SLC5A12: variants seen among roughly 807,000 people sequenced by gnomAD.
The protein encoded by SLC5A12 is solute carrier family 5 member 12.
Under a neutral mutation model 72.7 loss-of-function variants are expected in SLC5A12, and 46 were observed. That is an observed-to-expected ratio of 0.63 (90% CI 0.50 to 0.81). SLC5A12 has a LOEUF of 0.81. Ranked by LOEUF, SLC5A12 falls within the 30% of genes least tolerant of loss-of-function variation. The pLI is 0.00. For synonymous variants in SLC5A12, 275 were observed against 264.4 expected, an observed-to-expected ratio of 1.04 and a Z score of -0.39; for missense variants, 683 against 740.7, an observed-to-expected ratio of 0.92 and a Z score of 0.90.
At chr11:26,676,575 T>G (rs760309499) in intron 13 of SLC5A12, among the ~76,000 whole-genome samples, 10 of 152,160 alleles carry the variant, frequency 6.6e-5, no homozygotes, top group Non-Finnish European at 1.2e-4. Flanking sequence ...TATACTGTCC[T>G]GATAATGGGA....
rs1854036061 is a variant in SLC5A12 at position 26,667,876 on chromosome 11, C to T, written c.*3226G>A. The T allele has an allele frequency of 6.6e-6, 1 of 151,698 alleles. No homozygotes were observed. The highest frequency in any genetic ancestry group is 1.5e-5 in the Non-Finnish European group (1 of 67,886). The allele number at this position is 151,698 out of a possible 1,614,324, so 9.4% of individuals were successfully genotyped here. ...AAAATAGTAACATATATTCTGATCC[C>T]ACATCTTAAAAATCCTGAAGAGAAA... On this transcript the variant is annotated 3_prime_UTR_variant, in exon 15 of 15. Transcript: ENST00000396005.
chr11:26,708,365 C>T (rs1411702634), intron 4 of SLC5A12, among the ~76,000 whole-genome samples: 1 of 151,830 alleles, frequency 6.6e-6, no homozygotes, highest in African/African-American at 2.4e-5. Flanking sequence ...GGAATAGAAT[C>T]ATGGTAATGA....
At chr11:26,717,196 T>G (rs1233689561) in intron 1 of SLC5A12, among the ~76,000 whole-genome samples, 1 of 152,188 alleles carries the variant, frequency 6.6e-6, no homozygotes, top group East Asian at 1.9e-4. Flanking sequence ...GTATGTAATG[T>G]ATAAATGCTC....
intron 1 of SLC5A12, among the ~76,000 whole-genome samples, chr11:26,719,850 G>A (rs1295794952): frequency 6.6e-6 from 1 of 152,150 alleles, no homozygotes; most frequent in African/African-American, 2.4e-5. Context: ...GGACAGGACA[G>A]CATAGTTATT....
chr11:26,711,253 G>A (rs922529869), intron 3 of SLC5A12, 54 bp downstream of exon 3: 5 of 1,396,936 alleles, frequency 3.6e-6, no homozygotes, highest in Middle Eastern at 1.8e-4. Context: ...TCTGCAAGGT[G>A]AGAATTCAGG....
At chr11:26,691,196 A>G (rs549211987) in intron 9 of SLC5A12, among the ~76,000 whole-genome samples, 75 of 152,278 alleles carry the variant, frequency 4.9e-4, no homozygotes, top group African/African-American at 1.7e-3. Flanking sequence ...AATGCTGTAT[A>G]TATCAAAAGA....
chr11:26,703,428 A>ACACG, intron 6 of SLC5A12, 103 bp downstream of exon 6: 1 of 1,206,766 alleles, frequency 8.3e-7, no homozygotes, highest in Non-Finnish European at 1.2e-6. Context: ...ACATACATAC[A>ACACG]CACACACACA....
At chr11:26,685,087 T>C (rs1195913622) in intron 10 of SLC5A12, among the ~76,000 whole-genome samples, 3 of 152,194 alleles carry the variant, frequency 2.0e-5, no homozygotes, top group Non-Finnish European at 4.4e-5. Flanking sequence ...AGTTCTTTTA[T>C]GTAGACAGGT....
intron 1 of SLC5A12, among the ~76,000 whole-genome samples, chr11:26,715,153 A>C (rs1855320821): frequency 6.6e-6 from 1 of 152,136 alleles, no homozygotes; most frequent in Admixed American, 6.6e-5. Flanking sequence ...GGTGGGAAGT[A>C]TGATAATGCC....
At chr11:26,704,238 T>C (rs1244383604) in intron 4 of SLC5A12, among the ~76,000 whole-genome samples, 2 of 152,064 alleles carry the variant, frequency 1.3e-5, no homozygotes, top group Non-Finnish European at 2.9e-5. Flanking sequence ...GAAAGACAGG[T>C]TACTATAGGA....
Position 26,667,843 on chromosome 11 carries a change from T to G in SLC5A12, c.*3259A>C, listed in dbSNP as rs898011144. The G allele has an allele frequency of 1.3e-5, 2 of 151,956 alleles. No individual in the cohort carries two copies. Among genetic ancestry groups the G allele is most frequent in the Non-Finnish European group, 2.9e-5 (2 of 67,926 alleles). The allele number at this position is 151,956 out of a possible 1,614,324, so 9.4% of individuals were successfully genotyped here. Reference sequence around the variant, plus strand: ...TACATTCTGTTTTTCTTATTATTTCTAATTCTCAAAATAGTAACATATATT... The same window carrying G: ...TACATTCTGTTTTTCTTATTATTTCGAATTCTCAAAATAGTAACATATATT... On this transcript the variant is annotated 3_prime_UTR_variant, in exon 15 of 15. Transcript: ENST00000396005.
Position 26,686,609 on chromosome 11 carries a change from A to G in SLC5A12, c.1154-65T>C. On this transcript the variant is annotated intron_variant, in intron 9 of 14. Transcript: ENST00000396005. Reference sequence around the variant, plus strand: ...ATTCCTGACTTCAAGGGATGCCTTGAGCCCCCACTCAGAACTGTCTCTGAT... The same window carrying G: ...ATTCCTGACTTCAAGGGATGCCTTGGGCCCCCACTCAGAACTGTCTCTGAT... The G allele has an allele frequency of 7.0e-6, 10 of 1,427,162 alleles. No individual in the cohort carries two copies. The South Asian group carries it at 1.2e-4, about 17-fold the overall frequency. 88.4% of individuals were successfully genotyped at this position (1,427,162 alleles called of 1,614,324 possible). A position where few individuals can be genotyped will look rare whatever the true frequency, so the allele number is the denominator to read the frequency against.
chr11:26,681,241 G>T lies in SLC5A12; in HGVS notation c.1309-20C>A, dbSNP rs1476295485. ...TGCACCCTGGATGAAGAAGAAAAAG[G>T]TTAATGGGAAATTTGGCAAAGCTGT... On this transcript the variant is annotated intron_variant, in intron 11 of 14. Coordinates refer to ENST00000396005, the MANE Select transcript of SLC5A12 (RefSeq NM_178498.4). 1.4e-5 allele frequency: 22 copies of T among 1,540,088 alleles called. No homozygotes were observed. Among genetic ancestry groups the T allele is most frequent in the Middle Eastern group, 2.1e-4 (1 of 4,740 alleles).
Position 26,710,339 on chromosome 11 carries a change from T to C in SLC5A12, c.458-960A>G, listed in dbSNP as rs760151677. On this transcript the variant is annotated intron_variant, in intron 3 of 14. Coordinates refer to ENST00000396005, the MANE Select transcript of SLC5A12 (RefSeq NM_178498.4). ...TGCAATAAACATATGTGTGCATGTGTCTTTATAACAGAATGATTATAATCC... is the reference window on the plus strand; with the variant it reads ...TGCAATAAACATATGTGTGCATGTGCCTTTATAACAGAATGATTATAATCC... 3.9e-5 allele frequency among the ~76,000 whole-genome samples: 6 copies of C among 152,210 alleles called. 1 individual carries two copies. The highest frequency in any genetic ancestry group is 1.4e-4 in the African/African-American group (6 of 41,454).
In SLC5A12 at chr11:26,667,047, A is replaced by C. The variant is rs1854010809; in HGVS notation, c.*4055T>G. 1 of 151,890 alleles carries C rather than the reference A, an allele frequency of 6.6e-6. No individual in the cohort carries two copies. Among genetic ancestry groups the C allele is most frequent in the Non-Finnish European group, 1.5e-5 (1 of 67,838 alleles). 9.4% of individuals were successfully genotyped at this position (151,890 alleles called of 1,614,324 possible). ...TACTATCAATGACGAGTTACATTTT[A>C]TTAGTTTATAAATTTGTATCATTTT... On this transcript the variant is annotated 3_prime_UTR_variant, in exon 15 of 15. Coordinates refer to ENST00000396005, the MANE Select transcript of SLC5A12 (RefSeq NM_178498.4).
Position 26,703,657 on chromosome 11 carries a change from G to T in SLC5A12, c.695C>A (p.Pro232His), listed in dbSNP as rs1343680550. ...AGTCCAAAAAGTGTGTCGCCTGAGA[G>T]GATCTACATCAAAGCTATGAGACAG... ...RLHIFDFDVDPLRRHTFWTIT... is the reference protein window; with the variant it reads ...RLHIFDFDVDHLRRHTFWTIT... Residue 232 changes from proline (P) to histidine (H), a missense_variant, in exon 6 of 15, where the codon CCT (proline) becomes CAT (histidine). Transcript: ENST00000396005. The T allele has an allele frequency of 6.2e-7, 1 of 1,613,620 alleles. No homozygotes were observed. The highest frequency in any genetic ancestry group is 8.5e-7 in the Non-Finnish European group (1 of 1,179,856).
At chr11:26,709,035 TA>T (rs1325161101) in intron 4 of SLC5A12, 2 of 294,026 alleles carry the variant, frequency 6.8e-6, no homozygotes, top group Non-Finnish European at 1.3e-5. Context: ...TAGGGCCACC[TA>T]TTCTCTAATC....
chr11:26,686,246 A>C (rs965922228), intron 10 of SLC5A12, among the ~76,000 whole-genome samples: 1 of 152,142 alleles, frequency 6.6e-6, no homozygotes, highest in Non-Finnish European at 1.5e-5. Flanking sequence ...CTCCTTCTGA[A>C]AGTGATTTAA....
In SLC5A12 at chr11:26,716,093, G is replaced by A. The variant is rs369379104; in HGVS notation, c.340-3387C>T. On this transcript the variant is annotated intron_variant, in intron 1 of 14. Coordinates refer to ENST00000396005, the MANE Select transcript of SLC5A12 (RefSeq NM_178498.4). ...ATATGTAGCATTAGCTTTGGTACTGGGTGGCACAAGGAAGTCTGGAAAACA... is the reference window on the plus strand; with the variant it reads ...ATATGTAGCATTAGCTTTGGTACTGAGTGGCACAAGGAAGTCTGGAAAACA... Among the ~76,000 whole-genome samples, 10 of 152,250 alleles carry A rather than the reference G, an allele frequency of 6.6e-5. No individual in the cohort carries two copies. The South Asian group carries it at 1.7e-3, about 25-fold the overall frequency.
Sources: allele counts gnomAD v4.1 joint callset (sites outside exome capture counted in the v4.1 genomes callset), GRCh38; gene constraint gnomAD v4.1.1; transcripts MANE v1.5; gene names NCBI Gene and HGNC (gene_info 2026-07-23, HGNC 2026-07-21).